GRIN2B: variants seen among roughly 807,000 people sequenced by gnomAD.
GRIN2B encodes the protein glutamate ionotropic receptor NMDA type subunit 2B.
GRIN2B carries 5 observed loss-of-function variants against 114.5 expected under a neutral mutation model. The ratio of observed to expected loss-of-function variants is 0.04; its 90% confidence interval spans 0.02 to 0.09. GRIN2B has a LOEUF of 0.09. Ranked by LOEUF, GRIN2B falls within the 10% of genes least tolerant of loss-of-function variation. The pLI, the probability that GRIN2B is intolerant of heterozygous loss-of-function variation, is 1.00. For missense variants in GRIN2B, 1,108 were observed against 1,943.5 expected (o/e 0.57, Z 8.08); for synonymous variants, 787 against 745.1 (o/e 1.06, Z -0.92).
At chr12:13,805,272 C>A (rs1864581393) in intron 3 of GRIN2B, among the ~76,000 whole-genome samples, 2 of 152,122 alleles carry the variant, frequency 1.3e-5, no homozygotes, top group Admixed American at 1.3e-4. Flanking sequence ...CTATAGCTAC[C>A]TAGCTTCTTG....
At chr12:13,637,227 G>T (rs1402225220) in intron 5 of GRIN2B, among the ~76,000 whole-genome samples, 1 of 152,156 alleles carries the variant, frequency 6.6e-6, no homozygotes, top group African/African-American at 2.4e-5. Flanking sequence ...AGTTTTGAGA[G>T]CTAAAGAGAA....
At chr12:13,867,960 G>A (rs1264683857) in intron 2 of GRIN2B, among the ~76,000 whole-genome samples, 1 of 152,020 alleles carries the variant, frequency 6.6e-6, no homozygotes, top group East Asian at 1.9e-4. Flanking sequence ...AATCATGACA[G>A]TATTGAATAA....
In GRIN2B at chr12:13,552,152, G is replaced by A. The variant is rs1275466956; in HGVS notation, c.*10631C>T. The A allele has an allele frequency of 6.6e-6, 1 of 152,146 alleles. No homozygotes were observed. Among genetic ancestry groups the A allele is most frequent in the East Asian group, 1.9e-4 (1 of 5,194 alleles). 9.4% of individuals were successfully genotyped at this position (152,146 alleles called of 1,614,324 possible). On this transcript the variant is annotated 3_prime_UTR_variant, in exon 14 of 14. Transcript: ENST00000609686. ...GTCACAGCCTGGTGGCCTAAATTCTGTGGGTAAGGGTGGTGTGATAAGTCA... is the reference window on the plus strand; with the variant it reads ...GTCACAGCCTGGTGGCCTAAATTCTATGGGTAAGGGTGGTGTGATAAGTCA...
chr12:13,557,187 C>A lies in GRIN2B; in HGVS notation c.*5596G>T, dbSNP rs923116149. ...TATGATTTTATACAATACTGCAACC[C>A]CACCCCCCAAACTAGAATAGAATCC... On this transcript the variant is annotated 3_prime_UTR_variant, in exon 14 of 14. Transcript: ENST00000609686. 1 of 152,044 alleles carries A rather than the reference C, an allele frequency of 6.6e-6. No homozygotes were observed. Among genetic ancestry groups the A allele is most frequent in the African/African-American group, 2.4e-5 (1 of 41,394 alleles). 9.4% of individuals were successfully genotyped at this position (152,044 alleles called of 1,614,324 possible).
chr12:13,790,523 A>T (rs1864302596), intron 3 of GRIN2B, among the ~76,000 whole-genome samples: 1 of 152,242 alleles, frequency 6.6e-6, no homozygotes, highest in Non-Finnish European at 1.5e-5. Context: ...GAGAGACCCA[A>T]ATAGATATGT....
chr12:13,882,555 G>T (rs1336306957), intron 2 of GRIN2B, among the ~76,000 whole-genome samples: 1 of 152,034 alleles, frequency 6.6e-6, no homozygotes, highest in Non-Finnish European at 1.5e-5. Context: ...CCTCAGAGAG[G>T]CTCATCTCTA....
In GRIN2B at chr12:13,548,454, C is replaced by T. The variant is rs2136385858; in HGVS notation, c.*14329G>A. ...AATTCTCCATTCATGCCCTCAGAGT[C>T]CCCAAGAATCCTGCTATTTTCCCAC... On this transcript the variant is annotated 3_prime_UTR_variant, in exon 14 of 14. Transcript: ENST00000609686. 1 of 132,944 alleles carries T rather than the reference C, an allele frequency of 7.5e-6. No individual in the cohort carries two copies. The highest frequency in any genetic ancestry group is 2.9e-4 in the South Asian group (1 of 3,446). 8.2% of individuals were successfully genotyped at this position (132,944 alleles called of 1,614,324 possible).
intron 2 of GRIN2B, among the ~76,000 whole-genome samples, chr12:13,879,737 C>T (rs1242066776): frequency 6.6e-6 from 1 of 152,236 alleles, no homozygotes; most frequent in African/African-American, 2.4e-5. Flanking sequence ...CAGGCCGGTA[C>T]AGTCAGTGCC....
At chr12:13,639,177 G>T (rs1237452509) in intron 5 of GRIN2B, among the ~76,000 whole-genome samples, 1 of 152,106 alleles carries the variant, frequency 6.6e-6, no homozygotes, top group African/African-American at 2.4e-5. Context: ...TTCCAGGCAA[G>T]GTAGTCTGGT....
At chr12:13,845,549 G>A (rs1252044442) in intron 3 of GRIN2B, among the ~76,000 whole-genome samples, 1 of 152,134 alleles carries the variant, frequency 6.6e-6, no homozygotes, top group Non-Finnish European at 1.5e-5. Flanking sequence ...CTGGTAATCT[G>A]GAAAAGTAGG....
chr12:13,764,417 C>T (rs1297481333), intron 3 of GRIN2B, among the ~76,000 whole-genome samples: 1 of 152,136 alleles, frequency 6.6e-6, no homozygotes, highest in Non-Finnish European at 1.5e-5. Context: ...CCTAATTCCA[C>T]AGATAAAGAC....
At chr12:13,621,766 G>A (rs937441960) in intron 5 of GRIN2B, among the ~76,000 whole-genome samples, 1 of 151,878 alleles carries the variant, frequency 6.6e-6, no homozygotes, top group African/African-American at 2.4e-5. Flanking sequence ...CCTTCGAGTG[G>A]ACTTGGCTCA....
intron 10 of GRIN2B, among the ~76,000 whole-genome samples, chr12:13,590,301 C>T (rs1274562360): frequency 4.0e-5 from 6 of 151,860 alleles, no homozygotes; most frequent in African/African-American, 2.4e-5. Flanking sequence ...ATACACGTAC[C>T]ACGGTGGTTT....
chr12:13,713,864 A>G lies in GRIN2B; in HGVS notation c.1011-38005T>C, dbSNP rs138739192. 8.9e-4 allele frequency among the ~76,000 whole-genome samples: 135 copies of G among 151,984 alleles called. No homozygotes were observed. In the Middle Eastern group the frequency reaches 0.034, roughly 38 times the overall value. On this transcript the variant is annotated intron_variant, in intron 4 of 13. Coordinates refer to ENST00000609686, the MANE Select transcript of GRIN2B (RefSeq NM_000834.5). The stretch of plus-strand genomic sequence containing the variant: ...TTTTAGTCTGCCTGGCTGGAGAACA[A>G]TGCAGAGTGTTTAAGATGCTCTGTT...
At chr12:13,963,762 T>G (rs1347350348) in intron 2 of GRIN2B, among the ~76,000 whole-genome samples, 1 of 152,180 alleles carries the variant, frequency 6.6e-6, no homozygotes, top group Non-Finnish European at 1.5e-5. Flanking sequence ...GGCTCCCATC[T>G]TTACTTCTAG....
intron 3 of GRIN2B, among the ~76,000 whole-genome samples, chr12:13,771,650 C>T (rs1863910796): frequency 6.6e-6 from 1 of 152,226 alleles, no homozygotes; most frequent in Admixed American, 6.5e-5. Context: ...AAATGAAACA[C>T]TACATAAGAA....
At chr12:13,745,416 G>C (rs568492882) in intron 4 of GRIN2B, among the ~76,000 whole-genome samples, 1 of 152,332 alleles carries the variant, frequency 6.6e-6, no homozygotes, top group East Asian at 1.9e-4. Context: ...GGGAGCAAGA[G>C]CCTTGGGGAC....
In GRIN2B at chr12:13,929,127, T is replaced by C. The variant is rs535140208; in HGVS notation, c.-19+50801A>G. ...GTGTCTAGCACATAAGTCTTGCTTT[T>C]ATAGATACTTAAATAACCTGAAGAT... On this transcript the variant is annotated intron_variant, in intron 2 of 13. Transcript: ENST00000609686. Among the ~76,000 whole-genome samples the C allele has an allele frequency of 4.6e-5, 7 of 152,370 alleles. No homozygotes were observed. In the East Asian group the frequency reaches 7.7e-4, roughly 17 times the overall value.
chr12:13,666,401 C>A (rs970497405), intron 5 of GRIN2B, among the ~76,000 whole-genome samples: 2 of 152,132 alleles, frequency 1.3e-5, no homozygotes, highest in Non-Finnish European at 2.9e-5. Flanking sequence ...AGCTCCTAAG[C>A]AAGCCACCTT....
Sources: allele counts gnomAD v4.1 joint callset (sites outside exome capture counted in the v4.1 genomes callset), GRCh38; gene constraint gnomAD v4.1.1; transcripts MANE v1.5; gene names NCBI Gene and HGNC (gene_info 2026-07-23, HGNC 2026-07-21).